Variants in SLC25A3 observed in about 807,000 individuals in gnomAD.
The protein encoded by SLC25A3 is solute carrier family 25 member 3.
A neutral mutation model predicts 37.1 loss-of-function variants in SLC25A3; 14 were observed. The observed-to-expected ratio is 0.38, with a 90% CI of 0.25 to 0.59. The LOEUF (loss-of-function observed/expected upper bound fraction) is 0.59, where lower values mean the gene tolerates loss of function less well. Among genes scored for constraint, SLC25A3 ranks in the 20% least tolerant of loss-of-function variants. SLC25A3 has a pLI of 0.67. For synonymous variants in SLC25A3, 161 were observed against 168.7 expected, an observed-to-expected ratio of 0.95 and a Z score of 0.36; for missense variants, 385 against 458.1, an observed-to-expected ratio of 0.84 and a Z score of 1.46.
Position 98,604,409 on chromosome 12 carries a change from G to A in SLC25A3, c.*2881G>A, listed in dbSNP as rs1565833478. 1 of 151,754 alleles carries A rather than the reference G, an allele frequency of 6.6e-6. No individual in the cohort carries two copies. Among genetic ancestry groups the A allele is most frequent in the Non-Finnish European group, 1.5e-5 (1 of 67,968 alleles). The allele number at this position is 151,754 out of a possible 1,614,324, so 9.4% of individuals were successfully genotyped here. A position where few individuals can be genotyped will look rare whatever the true frequency, so the allele number is the denominator to read the frequency against. ...AGGAATCCTGATTTTATGAAATTAT[G>A]CCTTCTGATAGGTGCAACAAAATTG... On this transcript the variant is annotated 3_prime_UTR_variant, in exon 8 of 8. Transcript: ENST00000552981.
chr12:98,601,313 A>G, intron 7 of SLC25A3, 32 bp downstream of exon 7: 1 of 1,614,128 alleles, frequency 6.2e-7, no homozygotes, highest in South Asian at 1.1e-5. Context: ...GAAAGAAAGA[A>G]CAACAGTTTT....
chr12:98,595,909 C>G, intron 3 of SLC25A3, 61 bp downstream of exon 3: 3 of 1,476,034 alleles, frequency 2.0e-6, no homozygotes, highest in Non-Finnish European at 2.8e-6. Flanking sequence ...TAAATAAAAT[C>G]TTAAATGAGA....
rs10777938 is a variant in SLC25A3, at chr12:98,605,322, T to C, written c.*3794T>C. 72,507 of 151,978 alleles carry C rather than the reference T, an allele frequency of 0.48. 17,679 individuals are homozygous for C. The highest frequency in any genetic ancestry group is 0.56 in the Admixed American group (8,516 of 15,256). The allele number at this position is 151,978 out of a possible 1,614,324, so 9.4% of individuals were successfully genotyped here. A position where few individuals can be genotyped will look rare whatever the true frequency, so the allele number is the denominator to read the frequency against. ...TATTTGGGAGGCTGAGGCAGGAGGA[T>C]TGCTTGAGCCCGAGAGGTTGAGGCT... On this transcript the variant is annotated 3_prime_UTR_variant, in exon 8 of 8. Coordinates refer to ENST00000552981, the MANE Select transcript of SLC25A3 (RefSeq NM_002635.4).
intron 5 of SLC25A3, 48 bp from the exon 6 acceptor site, chr12:98,599,907 A>T (rs1379987227): frequency 6.2e-7 from 1 of 1,605,968 alleles, no homozygotes; most frequent in South Asian, 1.1e-5. Context: ...ACAGTCTCTG[A>T]TAGATGAGTG....
chr12:98,601,137 C>T, intron 6 of SLC25A3, 34 bp from the exon 7 acceptor site: 1 of 1,607,084 alleles, frequency 6.2e-7, no homozygotes, highest in South Asian at 1.1e-5. Context: ...TTGTTTTTAA[C>T]TGGCACTGTA....
intron 2 of SLC25A3, 147 bp from the exon 3 acceptor site, chr12:98,595,580 G>C: frequency 6.2e-7 from 1 of 1,613,672 alleles, no homozygotes; most frequent in Non-Finnish European, 8.5e-7. Context: ...TGCTGGACTA[G>C]AGCATATTGA....
chr12:98,597,914 A>C lies in SLC25A3; in HGVS notation c.338A>C (p.Asp113Ala). Residue 113 changes from aspartate to alanine, a missense_variant, in exon 4 of 8, where the codon GAT (aspartate) becomes GCT (alanine). Coordinates refer to ENST00000552981, the MANE Select transcript of SLC25A3 (RefSeq NM_002635.4). ...GGATTCTCAGTTACACTTAAAGAGG[A>C]TGGTGTTCGTGGTTTGGCTAAAGGA... is the stretch of plus-strand genomic sequence containing the variant. ...FNGFSVTLKEDGVRGLAKGWA... is the reference protein window; with the variant it reads ...FNGFSVTLKEAGVRGLAKGWA... 6.2e-7 allele frequency: 1 copy of C among 1,614,092 alleles called. No homozygotes were observed. The highest frequency in any genetic ancestry group is 8.5e-7 in the Non-Finnish European group (1 of 1,180,016).
At position 98,603,588 on chromosome 12, in the gene SLC25A3, C is replaced by T. The variant is rs530284124; in HGVS notation, c.*2060C>T. On this transcript the variant is annotated 3_prime_UTR_variant, in exon 8 of 8. Transcript: ENST00000552981. ...GTGAAAGTGGACCGTAGATCTAAAA[C>T]ATTTTGGGTATGCAGTTCAGCCAGC... 2.0e-5 allele frequency: 3 copies of T among 152,316 alleles called. No homozygotes were observed. The highest frequency in any genetic ancestry group is 2.1e-4 in the South Asian group (1 of 4,832). The allele number at this position is 152,316 out of a possible 1,614,324, so 9.4% of individuals were successfully genotyped here.
Position 98,598,243 on chromosome 12 carries a change from T to C in SLC25A3, c.459+208T>C, listed in dbSNP as rs186652354. 2.1e-5 allele frequency: 14 copies of C among 679,416 alleles called. No individual in the cohort carries two copies. The Admixed American group carries it at 3.5e-4, about 17-fold the overall frequency. The allele number at this position is 679,416 out of a possible 1,614,324, so 42.1% of individuals were successfully genotyped here. ...ACAATTCTCCTTTTAATATACTATC[T>C]TGTTTTCTAAGTAAGTTGGATTTTG... On this transcript the variant is annotated intron_variant, in intron 4 of 7. Coordinates refer to ENST00000552981, the MANE Select transcript of SLC25A3 (RefSeq NM_002635.4).
At chr12:98,593,783 G>A in intron 1 of SLC25A3, 43 bp downstream of exon 1, 1 of 627,024 alleles carries the variant, frequency 1.6e-6, no homozygotes, top group Non-Finnish European at 2.8e-6. Flanking sequence ...TGTGGGGAGC[G>A]GAGCCCAGAG....
At chr12:98,594,403 G>A in intron 2 of SLC25A3, 1 of 696,470 alleles carries the variant, frequency 1.4e-6, no homozygotes, top group South Asian at 1.5e-5. Context: ...GCCGTGACTA[G>A]CTCTTTCTCC....
At position 98,601,293 on chromosome 12, in the gene SLC25A3, T is replaced by A. The variant is rs1437157571; in HGVS notation, c.925+12T>A. On this transcript the variant is annotated intron_variant, in intron 7 of 7. Transcript: ENST00000552981. ...ACTTGGATTTAAAGGTAGGATGATG[T>A]TTTTTTCTTGAAAGAAAGAACAACA... 6.2e-7 allele frequency: 1 copy of A among 1,613,932 alleles called. No homozygotes were observed. Among genetic ancestry groups the A allele is most frequent in the Non-Finnish European group, 8.5e-7 (1 of 1,179,970 alleles).
Position 98,601,705 on chromosome 12 carries a change from A to G in SLC25A3, c.*177A>G. 1 of 616,306 alleles carries G rather than the reference A, an allele frequency of 1.6e-6. No homozygotes were observed. The highest frequency in any genetic ancestry group is 2.8e-5 in the East Asian group (1 of 36,096). 38.2% of individuals were successfully genotyped at this position (616,306 alleles called of 1,614,324 possible). A position where few individuals can be genotyped will look rare whatever the true frequency, so the allele number is the denominator to read the frequency against. ...ACTGTTGAAATAAACCCAACTCTTC[A>G]TGATTTGCCTGTGACTTATTTTTAA... On this transcript the variant is annotated 3_prime_UTR_variant, in exon 8 of 8. Transcript: ENST00000552981.
intron 5 of SLC25A3, 170 bp from the exon 6 acceptor site, chr12:98,599,785 G>T (rs776694093): frequency 1.2e-6 from 1 of 824,308 alleles, no homozygotes; most frequent in South Asian, 1.3e-5. Context: ...TGGCATGTAA[G>T]AGAAATATAC....
chr12:98,597,027 C>T (rs939167254), intron 3 of SLC25A3, among the ~76,000 whole-genome samples: 9 of 151,990 alleles, frequency 5.9e-5, no homozygotes, highest in African/African-American at 1.9e-4. Context: ...AACAAACAAA[C>T]AAAAAACACA....
intron 5 of SLC25A3, among the ~76,000 whole-genome samples, chr12:98,599,003 C>T (rs866097614): frequency 6.6e-6 from 1 of 151,908 alleles, no homozygotes; most frequent in Non-Finnish European, 1.5e-5. Flanking sequence ...CCTCATGATC[C>T]GCCCACCTTG....
In SLC25A3 at chr12:98,602,728, A is replaced by G. The variant is rs765278269; in HGVS notation, c.*1200A>G. ...CAGCCCACCACTGGAAAAAAAACGAAAAACCTAGTGTAATATATAACATGC... is the reference window on the plus strand; with the variant it reads ...CAGCCCACCACTGGAAAAAAAACGAGAAACCTAGTGTAATATATAACATGC... On this transcript the variant is annotated 3_prime_UTR_variant, in exon 8 of 8. Transcript: ENST00000552981. 6.6e-6 allele frequency: 1 copy of G among 152,246 alleles called. No individual in the cohort carries two copies. The highest frequency in any genetic ancestry group is 1.5e-5 in the Non-Finnish European group (1 of 68,040). 9.4% of individuals were successfully genotyped at this position (152,246 alleles called of 1,614,324 possible).
chr12:98,595,852 T>G lies in SLC25A3; in HGVS notation c.279+4T>G, dbSNP rs773961817. On this transcript the variant is annotated splice_donor_region_variant and intron_variant, in intron 3 of 7. Transcript: ENST00000552981. ...TTTAGTGAAATGCCGTATGCAGGTT[T>G]GTATTGAGATGACAACATTGAAAGT... 6.2e-7 allele frequency: 1 copy of G among 1,611,766 alleles called. No homozygotes were observed.
Position 98,605,526 on chromosome 12 carries a change from T to A in SLC25A3, c.*3998T>A, listed in dbSNP as rs1450645916. ...TACATTGCTTCTATAGCATCAGAAATTGTATATCAGGCCAGGTGCAAAAGC... is the reference window on the plus strand; with the variant it reads ...TACATTGCTTCTATAGCATCAGAAAATGTATATCAGGCCAGGTGCAAAAGC... On this transcript the variant is annotated 3_prime_UTR_variant, in exon 8 of 8. Coordinates refer to ENST00000552981, the MANE Select transcript of SLC25A3 (RefSeq NM_002635.4). 1.3e-5 allele frequency: 2 copies of A among 151,942 alleles called. No individual in the cohort carries two copies. Among genetic ancestry groups the A allele is most frequent in the Non-Finnish European group, 2.9e-5 (2 of 67,964 alleles). The allele number at this position is 151,942 out of a possible 1,614,324, so 9.4% of individuals were successfully genotyped here.
Sources: gnomAD v4.1 joint callset for allele counts (sites outside exome capture counted in the v4.1 genomes callset) on GRCh38, gnomAD v4.1.1 for gene constraint, MANE v1.5 for transcripts, NCBI Gene and HGNC (gene_info 2026-07-23, HGNC 2026-07-21) for gene names.